OSBP2: variants seen among roughly 807,000 people sequenced by gnomAD.
OSBP2 encodes the protein oxysterol binding protein 2, also known as oxysterol-binding protein 2.
In OSBP2, 66 loss-of-function variants were observed where a neutral mutation model predicts 96.0. The observed-to-expected ratio is 0.69, with a 90% CI of 0.56 to 0.84. The LOEUF is 0.84. Among genes scored for constraint, OSBP2 ranks in the 40% least tolerant of loss-of-function variants. OSBP2 has a pLI of 0.00. For synonymous variants in OSBP2, 525 were observed against 520.9 expected, an observed-to-expected ratio of 1.01 and a Z score of -0.11; for missense variants, 1,038 against 1,222.7, an observed-to-expected ratio of 0.85 and a Z score of 2.25.
rs536671231 is a variant in OSBP2 at position 30,851,004 on chromosome 22, A to G, written c.854-19425A>G. Among the ~76,000 whole-genome samples, 28 of 152,234 alleles carry G rather than the reference A, an allele frequency of 1.8e-4. No individual in the cohort carries two copies. In the East Asian group the frequency reaches 5.2e-3, roughly 28 times the overall value. Reference sequence around the variant, plus strand: ...CTTAGCCATGTGTTGTCTTTCACATATTTTGTTAAACTTATTTGTATTTAC... The same window carrying G: ...CTTAGCCATGTGTTGTCTTTCACATGTTTTGTTAAACTTATTTGTATTTAC... On this transcript the variant is annotated intron_variant, in intron 2 of 13. Coordinates refer to ENST00000332585, the MANE Select transcript of OSBP2 (RefSeq NM_030758.4).
intron 2 of OSBP2, among the ~76,000 whole-genome samples, chr22:30,753,358 T>C (rs1277604357): frequency 6.6e-6 from 1 of 152,020 alleles, no homozygotes; most frequent in Non-Finnish European, 1.5e-5. Flanking sequence ...GTGGTGGGCA[T>C]GGTTGGAGCA....
intron 5 of OSBP2, among the ~76,000 whole-genome samples, chr22:30,888,718 C>A (rs1359095360): frequency 6.6e-6 from 1 of 152,092 alleles, no homozygotes; most frequent in African/African-American, 2.4e-5. Context: ...AACAGAGAGA[C>A]CCTGTCTCAA....
At chr22:30,879,342 G>A (rs910383666) in intron 3 of OSBP2, among the ~76,000 whole-genome samples, 6 of 152,254 alleles carry the variant, frequency 3.9e-5, no homozygotes, top group African/African-American at 1.4e-4. Flanking sequence ...AAGCCAGATG[G>A]TGTTGGTTCC....
chr22:30,719,541 G>A (rs1192773998), intron 1 of OSBP2, among the ~76,000 whole-genome samples: 1 of 152,040 alleles, frequency 6.6e-6, no homozygotes, highest in Non-Finnish European at 1.5e-5. Context: ...GATCACTTAA[G>A]GCCAGGAGTT....
At chr22:30,865,626 C>T (rs2039319616) in intron 2 of OSBP2, among the ~76,000 whole-genome samples, 3 of 81,474 alleles carry the variant, frequency 3.7e-5, no homozygotes, top group Non-Finnish European at 7.4e-5. Flanking sequence ...AGCAAGACTC[C>T]ATCTCAAAAA....
chr22:30,870,225 G>A lies in OSBP2; in HGVS notation c.854-204G>A, dbSNP rs2039429358. On this transcript the variant is annotated intron_variant, in intron 2 of 13. Coordinates refer to ENST00000332585, the MANE Select transcript of OSBP2 (RefSeq NM_030758.4). The surrounding 1 kb of genome is among the most constrained non-coding windows in gnomAD (Gnocchi z 4.1). ...ACAGTCCTTCCCACTGACTCAGGTGGGCCCTTGCCCACCCCACCCTGGGAA... is the reference window on the plus strand; with the variant it reads ...ACAGTCCTTCCCACTGACTCAGGTGAGCCCTTGCCCACCCCACCCTGGGAA... Among the ~76,000 whole-genome samples, 1 of 152,114 alleles carries A rather than the reference G, an allele frequency of 6.6e-6. No individual in the cohort carries two copies. The highest frequency in any genetic ancestry group is 1.5e-5 in the Non-Finnish European group (1 of 68,004).
intron 1 of OSBP2, among the ~76,000 whole-genome samples, chr22:30,735,206 A>T (rs374758561): frequency 9.9e-5 from 15 of 152,172 alleles, no homozygotes; most frequent in South Asian, 4.2e-4. Context: ...ATAAAATAAA[A>T]CCCTTAATAA....
chr22:30,794,339 G>T (rs1364912573), intron 2 of OSBP2, among the ~76,000 whole-genome samples: 2 of 138,168 alleles, frequency 1.4e-5, no homozygotes, highest in South Asian at 2.3e-4. Flanking sequence ...TCGACTCATT[G>T]CAACCTCCGC....
intron 1 of OSBP2, among the ~76,000 whole-genome samples, chr22:30,709,862 A>T (rs1303062609): frequency 6.7e-6 from 1 of 149,360 alleles, no homozygotes; most frequent in African/African-American, 2.5e-5. Flanking sequence ...CTATCACTTC[A>T]TCCTCATTTA....
intron 2 of OSBP2, among the ~76,000 whole-genome samples, chr22:30,855,694 C>T (rs900220725): frequency 8.5e-5 from 13 of 152,142 alleles, no homozygotes; most frequent in South Asian, 2.1e-4. Context: ...TCTCTTCTAG[C>T]GCTAGTAGGC....
intron 8 of OSBP2, among the ~76,000 whole-genome samples, chr22:30,891,441 C>A (rs2039945751): frequency 6.6e-6 from 1 of 152,216 alleles, no homozygotes; most frequent in Admixed American, 6.5e-5. Context: ...GGCCCAGGAG[C>A]CTCAGCAGTG....
At chr22:30,695,646 A>C (rs7288635) in intron 1 of OSBP2, 93 bp downstream of exon 1, 381,006 of 1,523,990 alleles carry the variant, frequency 0.25, 51,382 homozygotes, top group African/African-American at 0.37. Flanking sequence ...GGACACTGCC[A>C]CTAGTCTAGA....
rs1182417364 is a variant in OSBP2, at chr22:30,881,361, G to A, written c.1108-6065G>A. Among the ~76,000 whole-genome samples the A allele has an allele frequency of 2.0e-5, 3 of 152,140 alleles. No homozygotes were observed. The highest frequency in any genetic ancestry group is 4.4e-5 in the Non-Finnish European group (3 of 68,000). ...GCCTGTCCCAGGATTGGGCAGTGGG[G>A]TAGCACCCATGCAGGGCCCAGGTAC... On this transcript the variant is annotated intron_variant, in intron 3 of 13. Coordinates refer to ENST00000332585, the MANE Select transcript of OSBP2 (RefSeq NM_030758.4). The surrounding 1 kb of genome is among the most constrained non-coding windows in gnomAD (Gnocchi z 4.5).
intron 1 of OSBP2, among the ~76,000 whole-genome samples, chr22:30,704,593 T>C (rs1374833559): frequency 6.6e-6 from 1 of 151,722 alleles, no homozygotes; most frequent in Non-Finnish European, 1.5e-5. Context: ...CTCAGTTCAC[T>C]GCAACCTCTG....
intron 12 of OSBP2, among the ~76,000 whole-genome samples, chr22:30,900,068 G>A (rs1205217549): frequency 6.6e-6 from 1 of 152,166 alleles, no homozygotes; most frequent in East Asian, 1.9e-4. Context: ...AGACCAGCCT[G>A]ACCAACATGG....
rs151250565 is a variant in OSBP2 at position 30,704,336 on chromosome 22, G to A, written c.644+8783G>A. On this transcript the variant is annotated intron_variant, in intron 1 of 13. Coordinates refer to ENST00000332585, the MANE Select transcript of OSBP2 (RefSeq NM_030758.4). The stretch of plus-strand genomic sequence containing the variant: ...GCAAGCTTCCAAGGGTCCTCTCCCA[G>A]TGGAGTCACACAAGATGCGCTTAAT... Among the ~76,000 whole-genome samples the A allele has an allele frequency of 2.0e-4, 30 of 152,302 alleles. 1 individual carries two copies. The East Asian group carries it at 4.4e-3, about 22-fold the overall frequency.
Position 30,854,634 on chromosome 22 carries a change from T to G in OSBP2, c.854-15795T>G, listed in dbSNP as rs1446364674. ...TATATGGTTATCTTTAAGTAACATT[T>G]AAAGTGAAAAAAAAAAAAAAAGCAC... On this transcript the variant is annotated intron_variant, in intron 2 of 13. Transcript: ENST00000332585. Among the ~76,000 whole-genome samples the G allele has an allele frequency of 3.5e-5, 4 of 112,838 alleles. No individual in the cohort carries two copies. The East Asian group carries it at 6.6e-4, about 18-fold the overall frequency. 74.0% of individuals were successfully genotyped at this position (112,838 alleles called of 152,430 possible). A position where few individuals can be genotyped will look rare whatever the true frequency, so the allele number is the denominator to read the frequency against.
chr22:30,830,436 C>G (rs1310852113), intron 2 of OSBP2, among the ~76,000 whole-genome samples: 1 of 152,236 alleles, frequency 6.6e-6, no homozygotes, highest in African/African-American at 2.4e-5. Context: ...TGGCCATCAG[C>G]CTTTCGGCCA....
intron 2 of OSBP2, among the ~76,000 whole-genome samples, chr22:30,869,490 G>A (rs1035345045): frequency 6.6e-6 from 1 of 152,186 alleles, no homozygotes; most frequent in African/African-American, 2.4e-5. Flanking sequence ...GGGCCTTTTG[G>A]CAGACTTTGT....
Sources: allele counts gnomAD v4.1 joint callset (sites outside exome capture counted in the v4.1 genomes callset), GRCh38; gene constraint gnomAD v4.1.1; non-coding constraint Gnocchi (gnomAD v3.1); transcripts MANE v1.5; gene names NCBI Gene and HGNC (gene_info 2026-07-23, HGNC 2026-07-21).